NRG3: variants seen among roughly 807,000 people sequenced by gnomAD.
NRG3 encodes the protein pro-neuregulin-3, membrane-bound isoform.
In NRG3, 31 loss-of-function variants were observed where a neutral mutation model predicts 66.9. That is an observed-to-expected ratio of 0.46 (90% CI 0.35 to 0.63). The LOEUF (loss-of-function observed/expected upper bound fraction) is 0.63, where lower values mean the gene tolerates loss of function less well. NRG3 is among the 20% of genes least tolerant of loss of function. The pLI, the probability that NRG3 is intolerant of heterozygous loss-of-function variation, is 0.00. For synonymous variants in NRG3, 393 were observed against 359.4 expected, an observed-to-expected ratio of 1.09 and a Z score of -1.06; for missense variants, 910 against 878.9, an observed-to-expected ratio of 1.04 and a Z score of -0.45.
intron 2 of NRG3, among the ~76,000 whole-genome samples, chr10:82,383,100 C>T (rs945516852): frequency 6.6e-6 from 1 of 151,896 alleles, no homozygotes; most frequent in Non-Finnish European, 1.5e-5. Context: ...TTGTGTAACA[C>T]TGGTATTAAA....
At chr10:82,604,571 C>T (rs2047842434) in intron 2 of NRG3, among the ~76,000 whole-genome samples, 1 of 152,080 alleles carries the variant, frequency 6.6e-6, no homozygotes, top group South Asian at 2.1e-4. Flanking sequence ...GTTTGGATCA[C>T]ACTGACACTA....
chr10:82,205,016 A>C (rs1222342685), intron 1 of NRG3, among the ~76,000 whole-genome samples: 1 of 152,180 alleles, frequency 6.6e-6, no homozygotes, highest in African/African-American at 2.4e-5. Flanking sequence ...TTGGGAAATA[A>C]TGGGATTTGG....
At chr10:82,066,975 A>G (rs2064511036) in intron 1 of NRG3, among the ~76,000 whole-genome samples, 1 of 151,800 alleles carries the variant, frequency 6.6e-6, no homozygotes, top group Admixed American at 6.6e-5. Flanking sequence ...AACTCCTCCC[A>G]AGAATGCCCT....
At chr10:82,410,186 A>T (rs945943667) in intron 2 of NRG3, among the ~76,000 whole-genome samples, 2 of 152,086 alleles carry the variant, frequency 1.3e-5, no homozygotes, top group Non-Finnish European at 2.9e-5. Flanking sequence ...TTTCTTAATG[A>T]TTTGTGGTCA....
intron 4 of NRG3, among the ~76,000 whole-genome samples, chr10:82,884,595 T>C (rs564169197): frequency 2.0e-5 from 3 of 152,330 alleles, no homozygotes; most frequent in South Asian, 2.1e-4. Flanking sequence ...TTCTGTAAAA[T>C]TGACGCTATA....
intron 2 of NRG3, among the ~76,000 whole-genome samples, chr10:82,673,664 A>G (rs761561023): frequency 6.6e-5 from 10 of 152,110 alleles, no homozygotes; most frequent in Non-Finnish European, 1.5e-4. Context: ...GACAATCCAA[A>G]GTTTGGGGGT....
intron 1 of NRG3, among the ~76,000 whole-genome samples, chr10:82,130,436 A>G (rs912104539): frequency 6.6e-6 from 1 of 151,776 alleles, no homozygotes; most frequent in African/African-American, 2.4e-5. Context: ...GTCCAAGTTC[A>G]TCTGTTGATG....
intron 1 of NRG3, among the ~76,000 whole-genome samples, chr10:81,987,310 C>A (rs1215606281): frequency 6.6e-6 from 1 of 152,220 alleles, no homozygotes; most frequent in Non-Finnish European, 1.5e-5. Flanking sequence ...GTCTCGAACT[C>A]CTGACCTCAG....
At position 82,652,988 on chromosome 10, in the gene NRG3, G is replaced by C. The variant is rs555150270; in HGVS notation, c.954-85589G>C. On this transcript the variant is annotated intron_variant, in intron 2 of 8. Coordinates refer to ENST00000372141, the MANE Select transcript of NRG3 (RefSeq NM_001010848.4). ...TATTTTAAGTAACCAAATCAGGCTG[G>C]TATTTGGAGGGCATAAGAGGGACAG... is the stretch of plus-strand genomic sequence containing the variant. Among the ~76,000 whole-genome samples, 6 of 152,306 alleles carry C rather than the reference G, an allele frequency of 3.9e-5. No homozygotes were observed. The East Asian group carries it at 1.2e-3, about 29-fold the overall frequency.
At chr10:82,658,578 G>A (rs190999862) in intron 2 of NRG3, among the ~76,000 whole-genome samples, 11 of 152,018 alleles carry the variant, frequency 7.2e-5, no homozygotes, top group Admixed American at 1.3e-4. Flanking sequence ...AAAAGAGTAT[G>A]TACTAATTGA....
At chr10:82,045,604 G>T (rs2063246969) in intron 1 of NRG3, among the ~76,000 whole-genome samples, 1 of 74,372 alleles carries the variant, frequency 1.3e-5, no homozygotes, top group African/African-American at 4.5e-5. Flanking sequence ...GGCTTTTGTT[G>T]CCATTGCTTT....
chr10:81,997,451 AGTT>A (rs1407789702), intron 1 of NRG3, among the ~76,000 whole-genome samples: 1 of 152,162 alleles, frequency 6.6e-6, no homozygotes, highest in Admixed American at 6.5e-5. Flanking sequence ...GAGGCATCAT[AGTT>A]GTTCTCCTTT....
chr10:81,925,765 C>A, intron 1 of NRG3, among the ~76,000 whole-genome samples: 1 of 151,660 alleles, frequency 6.6e-6, no homozygotes, highest in East Asian at 1.9e-4. Flanking sequence ...AAAGAGAAAT[C>A]CATCTTGATT....
chr10:82,624,902 A>AATAT (rs111465104), intron 2 of NRG3, among the ~76,000 whole-genome samples: 4 of 145,912 alleles, frequency 2.7e-5, no homozygotes, highest in Non-Finnish European at 4.5e-5. Context: ...GATAAATATA[A>AATAT]ATATATATAT....
chr10:82,050,159 C>T (rs1421829899), intron 1 of NRG3, among the ~76,000 whole-genome samples: 4 of 140,252 alleles, frequency 2.9e-5, no homozygotes, highest in Non-Finnish European at 6.3e-5. Context: ...GTGGAATATT[C>T]AGACATGTTA....
intron 1 of NRG3, among the ~76,000 whole-genome samples, chr10:82,029,232 A>C (rs1341210235): frequency 1.3e-5 from 2 of 151,900 alleles, no homozygotes; most frequent in African/African-American, 4.8e-5. Flanking sequence ...GAATCAAATA[A>C]ACTCTGATAC....
In NRG3 at chr10:82,062,251, C is replaced by T. The variant is rs73318374; in HGVS notation, c.823+186088C>T. On this transcript the variant is annotated intron_variant, in intron 1 of 8. Coordinates refer to ENST00000372141, the MANE Select transcript of NRG3 (RefSeq NM_001010848.4). The stretch of plus-strand genomic sequence containing the variant: ...TATTATCTGCCACAGTCTTCAGTCT[C>T]CTCTGGATGCCAGAGGGGAGCAGAT... Among the ~76,000 whole-genome samples, 698 of 152,220 alleles carry T rather than the reference C, an allele frequency of 4.6e-3. 9 individuals are homozygous for T. Among genetic ancestry groups the T allele is most frequent in the African/African-American group, 0.013 (528 of 41,536 alleles).
intron 2 of NRG3, among the ~76,000 whole-genome samples, chr10:82,492,004 A>C (rs2132258913): frequency 6.6e-6 from 1 of 152,354 alleles, no homozygotes; most frequent in East Asian, 1.9e-4. Flanking sequence ...TTGTTACAAC[A>C]GCAAAGTCTA....
At chr10:82,201,196 CAAAAAAAAAA>C (rs35232518) in intron 1 of NRG3, among the ~76,000 whole-genome samples, 1 of 78,052 alleles carries the variant, frequency 1.3e-5, no homozygotes, top group African/African-American at 4.8e-5. Context: ...GACTCTGTCT[CAAAAAAAAAA>C]AAAAAAAAAA....
Sources: allele counts gnomAD v4.1 joint callset (sites outside exome capture counted in the v4.1 genomes callset), GRCh38; gene constraint gnomAD v4.1.1; transcripts MANE v1.5; gene names NCBI Gene and HGNC (gene_info 2026-07-23, HGNC 2026-07-21).